Variants in CFAP410 observed in about 807,000 individuals in gnomAD.
CFAP410 encodes the protein cilia and flagella associated protein 410, also known as cilia- and flagella-associated protein 410.
In CFAP410, 27 loss-of-function variants were observed where a neutral mutation model predicts 25.7. The observed-to-expected ratio is 1.05, with a 90% confidence interval of 0.77 to 1.45. The LOEUF (loss-of-function observed/expected upper bound fraction) is 1.45, where lower values mean the gene tolerates loss of function less well. Among genes scored for constraint, CFAP410 ranks in the 40% most tolerant of loss-of-function variants. The pLI, the probability that CFAP410 is intolerant of heterozygous loss-of-function variation, is 0.00. For missense variants in CFAP410, 428 were observed against 354.1 expected (o/e 1.21, Z -1.67); for synonymous variants, 178 against 158.4 (o/e 1.12, Z -0.93).
At chr21:44,338,438 G>A in intron 1 of CFAP410, 2 of 579,514 alleles carry the variant, frequency 3.5e-6, no homozygotes, top group South Asian at 3.1e-5. Context: ...AGCATTACCT[G>A]CCTTTCAGCC....
intron 2 of CFAP410, 74 bp downstream of exon 2, chr21:44,337,575 G>A (rs974875075): frequency 7.4e-7 from 1 of 1,349,848 alleles, no homozygotes; most frequent in Non-Finnish European, 1.0e-6. Context: ...TCTTGGGAAA[G>A]AAGCTACAAC....
intron 2 of CFAP410, chr21:44,336,894 G>A (rs887929452): frequency 6.6e-6 from 1 of 152,052 alleles, no homozygotes; most frequent in Non-Finnish European, 1.5e-5. Flanking sequence ...AGACCAGCCT[G>A]GCCGACACAG....
Position 44,333,218 on chromosome 21 carries a change from C to T in CFAP410, c.188G>A (p.Arg63His), listed in dbSNP as rs759884906. Residue 63 changes from arginine (R) to histidine (H), a missense_variant, in exon 4 of 7, where the codon CGC (arginine) becomes CAC (histidine). Transcript: ENST00000339818. The part of the protein sequence containing the change: ...STLEPVSRCQ[R>H]LSELYLRRNR... ...CCTCCGCAGGTACAGCTCACTCAGG[C>T]GCTGGCACCGGCTCACAGGCTCCAG... The T allele has an allele frequency of 1.7e-5, 27 of 1,612,742 alleles. No homozygotes were observed. Among genetic ancestry groups the T allele is most frequent in the African/African-American group, 2.7e-5 (2 of 74,924 alleles).
intron 1 of CFAP410, chr21:44,338,729 C>T (rs1440455702): frequency 8.1e-6 from 1 of 122,948 alleles, no homozygotes. Flanking sequence ...TCCTTCGCCG[C>T]CCTCGCCCCT....
At position 44,330,515 on chromosome 21, in the gene CFAP410, G is replaced by A. The variant is rs776025081; in HGVS notation, c.643-189C>T. 2.6e-6 allele frequency: 4 copies of A among 1,547,532 alleles called. No homozygotes were observed. In the Admixed American group the frequency reaches 5.9e-5, roughly 23 times the overall value. On this transcript the variant is annotated intron_variant, in intron 6 of 6. Coordinates refer to ENST00000339818, the MANE Select transcript of CFAP410 (RefSeq NM_004928.3). ...GAGCCCCGCCTGTGGACGCGTGTGT[G>A]GCACCTCTTCCACGTGACTCCTGTT...
chr21:44,334,510 CA>C, intron 3 of CFAP410: 1 of 266,326 alleles, frequency 3.8e-6, no homozygotes, highest in Non-Finnish European at 7.6e-6. Flanking sequence ...TCTGGGCGGG[CA>C]CGCGCACCCC....
intron 3 of CFAP410, 157 bp from the exon 4 acceptor site, chr21:44,333,419 C>T: frequency 1.6e-6 from 1 of 642,406 alleles, no homozygotes; most frequent in Non-Finnish European, 2.7e-6. Context: ...GCAGCAGGAC[C>T]TGGGCCGAGG....
At chr21:44,330,717 C>T (rs1487664729) in intron 6 of CFAP410, 106 bp downstream of exon 6, 6 of 1,549,364 alleles carry the variant, frequency 3.9e-6, no homozygotes, top group South Asian at 2.4e-5. Context: ...GCTCCATGCT[C>T]CCTCCCCACG....
chr21:44,339,338 G>T lies in CFAP410; in HGVS notation c.-144C>A, dbSNP rs980284693. The T allele has an allele frequency of 2.2e-6, 1 of 463,434 alleles. No individual in the cohort carries two copies. Among genetic ancestry groups the T allele is most frequent in the East Asian group, 3.6e-5 (1 of 27,430 alleles). The allele number at this position is 463,434 out of a possible 1,614,324, so 28.7% of individuals were successfully genotyped here. On this transcript the variant is annotated 5_prime_UTR_variant, in exon 1 of 7. Transcript: ENST00000339818. Reference sequence around the variant, plus strand: ...CGATTGGCGGCTCGGTGAGGAGAGCGGGGCGACGCGAGCCCGCTGGGGCCG... The same window carrying T: ...CGATTGGCGGCTCGGTGAGGAGAGCTGGGCGACGCGAGCCCGCTGGGGCCG...
chr21:44,329,387 G>A lies in CFAP410; in HGVS notation c.*811C>T, dbSNP rs1602069300. On this transcript the variant is annotated 3_prime_UTR_variant, in exon 7 of 7. Transcript: ENST00000339818. ...CCCATCTCACGTGAATGCTTCCTTG[G>A]TTTTGGGGGGCACTAGGAAGGTCCC... 2 of 152,298 alleles carry A rather than the reference G, an allele frequency of 1.3e-5. No homozygotes were observed. Among genetic ancestry groups the A allele is most frequent in the African/African-American group, 4.8e-5 (2 of 41,552 alleles). The allele number at this position is 152,298 out of a possible 1,614,324, so 9.4% of individuals were successfully genotyped here.
rs1450728516 is a variant in CFAP410 at position 44,335,786 on chromosome 21, T to C, written c.115A>G (p.Met39Val). Residue 39 changes from methionine to valine, a missense_variant, in exon 3 of 7, where the codon ATG (methionine) becomes GTG (valine). Met to Val is a conservative substitution (Grantham distance 21, BLOSUM62 1). Transcript: ENST00000339818. ...AGCGTGATCACCTCCAGGCTGGGCA[T>C]CTCCTGGCAAATGGAGATCTAGGAG... ...RLTDISICQE[M>V]PSLEVITLSV... The C allele has an allele frequency of 6.3e-7, 1 of 1,592,964 alleles. No individual in the cohort carries two copies. The highest frequency in any genetic ancestry group is 1.3e-5 in the African/African-American group (1 of 74,308).
chr21:44,334,042 T>G (rs958593327), intron 3 of CFAP410: 6 of 451,880 alleles, frequency 1.3e-5, no homozygotes, highest in African/African-American at 1.2e-4. Flanking sequence ...CTCCTAGCTA[T>G]GAGGCCGCCC....
Position 44,335,798 on chromosome 21 carries a change from T to C in CFAP410, c.103A>G (p.Ile35Val), listed in dbSNP as rs2047740543. Residue 35 changes from isoleucine (I) to valine (V), a missense_variant, in exon 3 of 7, where the codon ATT (isoleucine) becomes GTT (valine). Transcript: ENST00000339818. ...CWGSRLTDIS[I>V]CQEMPSLEVI... Reference sequence around the variant, plus strand: ...TCCAGGCTGGGCATCTCCTGGCAAATGGAGATCTAGGAGGAAAAGAACATG... The same window carrying C: ...TCCAGGCTGGGCATCTCCTGGCAAACGGAGATCTAGGAGGAAAAGAACATG... 3.1e-6 allele frequency: 5 copies of C among 1,589,392 alleles called. No individual in the cohort carries two copies. The highest frequency in any genetic ancestry group is 4.3e-6 in the Non-Finnish European group (5 of 1,166,764).
intron 4 of CFAP410, 154 bp from the exon 5 acceptor site, chr21:44,332,168 A>C: frequency 3.3e-6 from 2 of 601,132 alleles, no homozygotes. Context: ...CCAGAGTAGC[A>C]GCCGGTTCCT....
chr21:44,333,620 A>C (rs764933673), intron 3 of CFAP410: 3 of 373,430 alleles, frequency 8.0e-6, no homozygotes, highest in Non-Finnish European at 1.5e-5. Flanking sequence ...GTTGCCCCAA[A>C]GCAGGGAGCG....
chr21:44,330,318 C>T lies in CFAP410; in HGVS notation c.651G>A (p.Leu217=). The T allele has an allele frequency of 6.2e-7, 1 of 1,610,448 alleles. No homozygotes were observed. The highest frequency in any genetic ancestry group is 8.5e-7 in the Non-Finnish European group (1 of 1,178,726). ...CCCGCAGCAGCAGCAGGATGGCAGT[C>T]AGGACGTTCTGAGGGCAGAGGGGTG... ...ASSSHRGRNV[L]TAILLLLREL... The change falls in exon 7 of 7, where the codon CTG becomes CTA. Residue 217 remains leucine (L), a synonymous_variant. Transcript: ENST00000339818.
Position 44,330,166 on chromosome 21 carries a change from G to A in CFAP410, c.*32C>T, listed in dbSNP as rs377441507. The A allele has an allele frequency of 4.0e-3, 6,171 of 1,543,480 alleles. 14 individuals carry two copies. The highest frequency in any genetic ancestry group is 4.9e-3 in the Non-Finnish European group (5,660 of 1,150,364). On this transcript the variant is annotated 3_prime_UTR_variant, in exon 7 of 7. Coordinates refer to ENST00000339818, the MANE Select transcript of CFAP410 (RefSeq NM_004928.3). ...GGCTGGGGAAGACGCTGGGGTCCCC[G>A]TGGAGGCTGGAGCGGCGTTCAGGTC...
At chr21:44,331,645 A>G (rs1327504848) in intron 5 of CFAP410, 198 bp downstream of exon 5, 1 of 579,218 alleles carries the variant, frequency 1.7e-6, no homozygotes, top group Non-Finnish European at 2.9e-6. Flanking sequence ...TGGGCAAAAC[A>G]TGGACCTGCC....
At chr21:44,338,125 A>G in intron 1 of CFAP410, 1 of 457,472 alleles carries the variant, frequency 2.2e-6, no homozygotes, top group South Asian at 2.2e-5. Flanking sequence ...CACCCCATGC[A>G]AAACAAAGAA....
Sources: allele counts gnomAD v4.1 joint callset, GRCh38; gene constraint gnomAD v4.1.1; transcripts MANE v1.5; gene names NCBI Gene and HGNC (gene_info 2026-07-23, HGNC 2026-07-21).